The following SGCD variants were observed in gnomAD, a reference collection of about 807,000 sequenced individuals.
The protein encoded by SGCD is delta-sarcoglycan.
A neutral mutation model predicts 36.6 loss-of-function variants in SGCD; 18 were observed. The observed-to-expected ratio is 0.49, with a 90% CI of 0.34 to 0.73. The LOEUF (loss-of-function observed/expected upper bound fraction) is 0.73, where lower values mean the gene tolerates loss of function less well. Ranked by LOEUF, SGCD falls within the 30% of genes least tolerant of loss-of-function variation. The pLI is 0.01. For missense variants in SGCD, 387 were observed against 346.7 expected (o/e 1.12, Z -0.92); for synonymous variants, 133 against 130.6 (o/e 1.02, Z -0.12).
intron 1 of SGCD, among the ~76,000 whole-genome samples, chr5:156,010,400 G>T (rs1344324447): frequency 6.6e-6 from 1 of 152,144 alleles, no homozygotes; most frequent in Non-Finnish European, 1.5e-5. Flanking sequence ...AAAACATGTT[G>T]AGCAGATCTT....
chr5:156,421,962 A>G (rs1773330921), intron 3 of SGCD, among the ~76,000 whole-genome samples: 1 of 152,050 alleles, frequency 6.6e-6, no homozygotes, highest in Non-Finnish European at 1.5e-5. Context: ...CCGCAAGTCC[A>G]TGGAGTGCTT....
chr5:156,530,568 C>CT (rs902932270), intron 4 of SGCD, among the ~76,000 whole-genome samples: 12 of 146,164 alleles, frequency 8.2e-5, no homozygotes, highest in East Asian at 2.0e-4. Context: ...TTTTCTTTTC[C>CT]TTTTTTTTTT....
chr5:155,919,825 G>A (rs891740475), intron 1 of SGCD, among the ~76,000 whole-genome samples: 11 of 152,076 alleles, frequency 7.2e-5, no homozygotes, highest in Admixed American at 3.9e-4. Flanking sequence ...AATATTTGGC[G>A]AGTGCTTACT....
At chr5:156,382,318 G>A (rs1243039668) in intron 3 of SGCD, among the ~76,000 whole-genome samples, 1 of 152,084 alleles carries the variant, frequency 6.6e-6, no homozygotes, top group Non-Finnish European at 1.5e-5. Flanking sequence ...TTGCTTTGCA[G>A]ACTTCAAAGA....
intron 7 of SGCD, among the ~76,000 whole-genome samples, chr5:156,685,585 C>G (rs560978226): frequency 3.9e-5 from 6 of 152,282 alleles, no homozygotes; most frequent in African/African-American, 1.4e-4. Flanking sequence ...TTTCACTATC[C>G]ACAGAACCTC....
chr5:156,237,340 C>T (rs974297363), intron 3 of SGCD, among the ~76,000 whole-genome samples: 3 of 152,046 alleles, frequency 2.0e-5, no homozygotes, highest in South Asian at 2.1e-4. Flanking sequence ...CAAAGTGGGA[C>T]ATGGCCGGGT....
chr5:155,769,334 T>C, the SGCD span, among the ~76,000 whole-genome samples: 1 of 151,468 alleles, frequency 6.6e-6, no homozygotes, highest in Non-Finnish European at 1.5e-5. Flanking sequence ...AGCGTACACC[T>C]GTATTTCATG....
chr5:156,250,730 C>T (rs1345014239), intron 3 of SGCD, among the ~76,000 whole-genome samples: 1 of 152,174 alleles, frequency 6.6e-6, no homozygotes, highest in Non-Finnish European at 1.5e-5. Context: ...AGATTATTAA[C>T]TGACACAGAA....
the SGCD span, among the ~76,000 whole-genome samples, chr5:155,801,947 A>T: frequency 1.3e-5 from 2 of 152,008 alleles, no homozygotes; most frequent in African/African-American, 4.8e-5. Flanking sequence ...GTCACCCATA[A>T]CCCTCTTCCT....
chr5:156,412,828 G>A (rs1419728063), intron 3 of SGCD, among the ~76,000 whole-genome samples: 3 of 132,122 alleles, frequency 2.3e-5, no homozygotes, highest in South Asian at 2.4e-4. Flanking sequence ...TCGCTCTGTC[G>A]CCCAGGCCGG....
intron 6 of SGCD, among the ~76,000 whole-genome samples, chr5:156,620,847 C>A (rs1309580662): frequency 2.0e-5 from 3 of 152,170 alleles, no homozygotes; most frequent in African/African-American, 7.2e-5. Context: ...TTGTGCTAGA[C>A]CCTCCCAGGA....
At chr5:155,984,402 G>T (rs1758289519) in intron 1 of SGCD, among the ~76,000 whole-genome samples, 1 of 152,142 alleles carries the variant, frequency 6.6e-6, no homozygotes, top group African/African-American at 2.4e-5. Flanking sequence ...GTAAGCCTTG[G>T]ATTAAAATTA....
chr5:156,491,550 C>G (rs80346689), intron 3 of SGCD, among the ~76,000 whole-genome samples: 7,009 of 152,126 alleles, frequency 0.046, 215 homozygotes, highest in East Asian at 0.16. Context: ...TTGCAGCCAA[C>G]AGATTTTCAA....
intron 1 of SGCD, among the ~76,000 whole-genome samples, chr5:155,959,201 T>C (rs538868118): frequency 9.8e-5 from 15 of 152,306 alleles, no homozygotes; most frequent in African/African-American, 2.9e-4. Flanking sequence ...CTTAGCACAT[T>C]AATAGCCGTC....
intron 1 of SGCD, among the ~76,000 whole-genome samples, chr5:156,073,564 A>T (rs10475663): frequency 1.3e-5 from 2 of 152,172 alleles, no homozygotes; most frequent in African/African-American, 4.8e-5. Flanking sequence ...CCCTGTCTCA[A>T]AAAGGTAAAA....
chr5:155,787,321 G>A, the SGCD span, among the ~76,000 whole-genome samples: 2 of 152,112 alleles, frequency 1.3e-5, no homozygotes, highest in Non-Finnish European at 2.9e-5. Context: ...CCTCCAATCC[G>A]ATAAAACTTT....
At chr5:155,914,197 C>G (rs769543864) in intron 1 of SGCD, among the ~76,000 whole-genome samples, 9 of 152,028 alleles carry the variant, frequency 5.9e-5, no homozygotes, top group Non-Finnish European at 1.2e-4. Flanking sequence ...TTTAGGTGTG[C>G]CAGGAGCCCT....
the SGCD span, among the ~76,000 whole-genome samples, chr5:155,754,547 C>G: frequency 6.6e-6 from 1 of 152,168 alleles, no homozygotes. Context: ...GCAGCAGAGT[C>G]ACAGGGAACT....
At chr5:155,748,557 G>T in the SGCD span, among the ~76,000 whole-genome samples, 2 of 152,116 alleles carry the variant, frequency 1.3e-5, no homozygotes, top group Non-Finnish European at 2.9e-5. Flanking sequence ...AATCTGGGGT[G>T]TGGTCAGAGT....
Sources: gnomAD v4.1 joint callset for allele counts (sites outside exome capture counted in the v4.1 genomes callset) on GRCh38, gnomAD v4.1.1 for gene constraint, MANE v1.5 for transcripts, NCBI Gene and HGNC (gene_info 2026-07-23, HGNC 2026-07-21) for gene names.